The following FBN3 variants were observed in gnomAD, a reference collection of about 807,000 sequenced individuals.
FBN3 encodes fibrillin-3.
In FBN3, 234 loss-of-function variants were observed where a neutral mutation model predicts 330.1. The observed-to-expected ratio is 0.71, with a 90% CI of 0.64 to 0.79. The LOEUF (loss-of-function observed/expected upper bound fraction) is 0.79, where lower values mean the gene tolerates loss of function less well. Among genes scored for constraint, FBN3 ranks in the 30% least tolerant of loss-of-function variants. The pLI is 0.00. For synonymous variants in FBN3, 1,458 were observed against 1,517.3 expected, an observed-to-expected ratio of 0.96 and a Z score of 0.91; for missense variants, 3,606 against 3,886.9, an observed-to-expected ratio of 0.93 and a Z score of 1.92.
In FBN3 at chr19:8,078,421, T is replaced by G. The variant is rs530258180; in HGVS notation, c.7453+2582A>C. Reference sequence around the variant, plus strand: ...CCCTTTGCAGAAAAAGTTTGTGACTTTTGATCAAGTTGAGCCTCACACCAC... The same window carrying G: ...CCCTTTGCAGAAAAAGTTTGTGACTGTTGATCAAGTTGAGCCTCACACCAC... On this transcript the variant is annotated intron_variant, in intron 59 of 63. Coordinates refer to ENST00000600128, the MANE Select transcript of FBN3 (RefSeq NM_032447.5). 6.6e-5 allele frequency among the ~76,000 whole-genome samples: 10 copies of G among 152,276 alleles called. 2 individuals carry two copies. In the South Asian group the frequency reaches 2.1e-3, roughly 32 times the overall value.
chr19:8,072,715 C>T lies in FBN3; in HGVS notation c.7937+348G>A, dbSNP rs565094764. Among the ~76,000 whole-genome samples, 239 of 127,944 alleles carry T rather than the reference C, an allele frequency of 1.9e-3. 1 individual carries two copies. Among genetic ancestry groups the T allele is most frequent in the Non-Finnish European group, 2.8e-3 (178 of 64,420 alleles). 83.9% of individuals were successfully genotyped at this position (127,944 alleles called of 152,430 possible). A position where few individuals can be genotyped will look rare whatever the true frequency, so the allele number is the denominator to read the frequency against. On this transcript the variant is annotated intron_variant, in intron 62 of 63. Coordinates refer to ENST00000600128, the MANE Select transcript of FBN3 (RefSeq NM_032447.5). Reference sequence around the variant, plus strand: ...GCCTGAGTGCACACTGGGACATGCGCGCGTGCACACACACACACACACACA... The same window carrying T: ...GCCTGAGTGCACACTGGGACATGCGTGCGTGCACACACACACACACACACA...
chr19:8,130,247 A>C (rs2083092576), intron 16 of FBN3, among the ~76,000 whole-genome samples: 1 of 151,434 alleles, frequency 6.6e-6, no homozygotes, highest in Admixed American at 6.6e-5. Flanking sequence ...TCGTGTCTGT[A>C]ATCACAGCAC....
Position 8,086,218 on chromosome 19 carries a change from TG to T in FBN3, c.6861del (p.Thr2288ProfsTer77). 6.2e-7 allele frequency: 1 copy of T among 1,603,474 alleles called. No homozygotes were observed. ...CDCDEGFQPSPTLTECHDIRQ... is the reference protein window; with the variant it reads ...CDCDEGFQPSXTLTECHDIRQ... ...CACTCACCGTGGCACTCGGTAAGGG[TG>T]GGGCTGGGCTGGAATCCCTCATCAC... On this transcript the variant is annotated frameshift_variant, in exon 55 of 64. Transcript: ENST00000600128. LOFTEE classifies it high-confidence loss of function.
chr19:8,126,826 T>TC lies in FBN3; in HGVS notation c.2302dup (p.Asp768GlyfsTer55). On this transcript the variant is annotated frameshift_variant, in exon 19 of 64. Coordinates refer to ENST00000600128, the MANE Select transcript of FBN3 (RefSeq NM_032447.5). LOFTEE classifies it high-confidence loss of function. ...CACACACGGGCTGGACAGGCATTCG[T>TC]CGACATCTGTGGGGACAGCCCCCCA... The TC allele has an allele frequency of 6.4e-7, 1 of 1,559,044 alleles. No individual in the cohort carries two copies. The highest frequency in any genetic ancestry group is 8.7e-7 in the Non-Finnish European group (1 of 1,155,866).
intron 5 of FBN3, among the ~76,000 whole-genome samples, chr19:8,145,307 G>A (rs961231141): frequency 1.3e-5 from 2 of 151,032 alleles, no homozygotes; most frequent in African/African-American, 4.9e-5. Context: ...CTGGGAGGCG[G>A]AGGTTGCAGT....
intron 59 of FBN3, among the ~76,000 whole-genome samples, chr19:8,077,439 GACCAGCCTGACCAGCATAGTGA>G (rs1475090819): frequency 1.3e-5 from 2 of 152,088 alleles, no homozygotes; most frequent in African/African-American, 4.8e-5. Flanking sequence ...GGGAGTTTGA[GACCAGCCTGACCAGCATAGTGA>G]AACCCCATCT....
In FBN3 at chr19:8,087,919, C is replaced by T. The variant is rs1375354736; in HGVS notation, c.6525G>A (p.Leu2175=). 1 of 1,614,126 alleles carries T rather than the reference C, an allele frequency of 6.2e-7. No homozygotes were observed. Among genetic ancestry groups the T allele is most frequent in the Non-Finnish European group, 8.5e-7 (1 of 1,180,014 alleles). ...EDIDECSLNP[L]LCAFRCHNTE... ...TATTGTGGCAGCGGAAGGCACAGAG[C>T]AGCGGGTTCAGGGAGCATTCGTCGA... The change falls in exon 53 of 64, where the codon CTG becomes CTA. Residue 2175 remains leucine, a synonymous_variant. Coordinates refer to ENST00000600128, the MANE Select transcript of FBN3 (RefSeq NM_032447.5).
Position 8,135,945 on chromosome 19 carries a change from C to CCCCCCCCCCCCCA in FBN3, c.1591+15_1591+16insTGGGGGGGGGGGG. 2 of 488,814 alleles carry CCCCCCCCCCCCCA rather than the reference C, an allele frequency of 4.1e-6. No individual in the cohort carries two copies. The highest frequency in any genetic ancestry group is 8.0e-6 in the Non-Finnish European group (2 of 249,008). The allele number at this position is 488,814 out of a possible 1,614,324, so 30.3% of individuals were successfully genotyped here. A position where few individuals can be genotyped will look rare whatever the true frequency, so the allele number is the denominator to read the frequency against. The stretch of plus-strand genomic sequence containing the variant: ...GGGCCCGGAAGCCCCTGCCCACCCG[C>CCCCCCCCCCCCCA]CCACCCCCAACTCACCCACACAGTT... On this transcript the variant is annotated intron_variant, in intron 13 of 63. Transcript: ENST00000600128.
rs979363534 is a variant in FBN3, at chr19:8,131,254, G to C, written c.2025C>G (p.Gly675=). 6.2e-7 allele frequency: 1 copy of C among 1,611,288 alleles called. No individual in the cohort carries two copies. The highest frequency in any genetic ancestry group is 8.5e-7 in the Non-Finnish European group (1 of 1,179,388). ...ACTTACCTCGACCATCCGTGGTAATGCCAAGCCCACTGCTGCACAGTGCCT... is the reference window on the plus strand; with the variant it reads ...ACTTACCTCGACCATCCGTGGTAATCCCAAGCCCACTGCTGCACAGTGCCT... ...EFQALCSSGL[G]ITTDGRDINE... is the part of the protein sequence containing the mutation. The change falls in exon 16 of 64, where the codon GGC becomes GGG. Residue 675 remains glycine (G), a synonymous_variant. Transcript: ENST00000600128. The surrounding 1 kb of genome is among the most constrained non-coding windows in gnomAD (Gnocchi z 4.5).
At chr19:8,099,988 C>G (rs2082293556) in intron 41 of FBN3, among the ~76,000 whole-genome samples, 1 of 135,722 alleles carries the variant, frequency 7.4e-6, no homozygotes, top group Non-Finnish European at 1.6e-5. Flanking sequence ...CCAGCCTGGG[C>G]AACAAGAGAG....
rs2144982677 is a variant in FBN3, at chr19:8,133,253, C to T, written c.1592-147G>A. ...CTGTGGTTGTCTGTGACTGTGTGAG[C>T]TTGTATATTAGTCCGTCCGCTGGGA... On this transcript the variant is annotated intron_variant, in intron 13 of 63. Coordinates refer to ENST00000600128, the MANE Select transcript of FBN3 (RefSeq NM_032447.5). The T allele has an allele frequency of 2.8e-6, 3 of 1,057,108 alleles. No individual in the cohort carries two copies. The Admixed American group carries it at 9.6e-5, about 34-fold the overall frequency. 65.5% of individuals were successfully genotyped at this position (1,057,108 alleles called of 1,614,324 possible).
intron 38 of FBN3, among the ~76,000 whole-genome samples, chr19:8,104,748 G>A (rs900605216): frequency 1.9e-4 from 29 of 152,162 alleles, no homozygotes; most frequent in Non-Finnish European, 8.8e-5. Flanking sequence ...AAACTACAGT[G>A]TGCCATGATT....
intron 27 of FBN3, 44 bp from the exon 28 acceptor site, chr19:8,117,335 G>C (rs1393850133): frequency 1.3e-6 from 2 of 1,507,718 alleles, no homozygotes; most frequent in Non-Finnish European, 1.8e-6. Context: ...GGGGGGAGGG[G>C]TCCAGGATGG....
In FBN3 at chr19:8,131,644, G is replaced by A. The variant is rs778046533; in HGVS notation, c.1900C>T (p.Pro634Ser). 22 of 1,614,106 alleles carry A rather than the reference G, an allele frequency of 1.4e-5. No individual in the cohort carries two copies. Among genetic ancestry groups the A allele is most frequent in the Non-Finnish European group, 1.5e-5 (18 of 1,180,052 alleles). The change falls in exon 15 of 64, where the codon CCT becomes TCT. Residue 634 changes from proline (P) to serine (S), a missense_variant. By Grantham distance (74) the Pro-to-Ser change is moderately conservative (BLOSUM62 -1). Coordinates refer to ENST00000600128, the MANE Select transcript of FBN3 (RefSeq NM_032447.5). The surrounding 1 kb of genome is among the most constrained non-coding windows in gnomAD (Gnocchi z 4.5). ...CACTCGGACTTGGTGACAGTGCCAGGGAAGGGGCGGGCACAGGAGCCCTTC... is the reference window on the plus strand; with the variant it reads ...CACTCGGACTTGGTGACAGTGCCAGAGAAGGGGCGGGCACAGGAGCCCTTC... ...IEKGSCARPF[P>S]GTVTKSECCC...
At chr19:8,141,639 C>T (rs2083417084) in intron 8 of FBN3, 78 bp downstream of exon 8, 1 of 1,517,926 alleles carries the variant, frequency 6.6e-7, no homozygotes, top group Non-Finnish European at 8.9e-7. Flanking sequence ...ACCCCTCTGC[C>T]TTCCTGCAGG....
chr19:8,095,262 A>T, intron 46 of FBN3, 113 bp downstream of exon 46: 1 of 1,181,784 alleles, frequency 8.5e-7, no homozygotes, highest in Non-Finnish European at 1.2e-6. Flanking sequence ...TTTAAATCTT[A>T]AAATAAATGC....
At position 8,141,746 on chromosome 19, in the gene FBN3, C is replaced by G. The variant is rs78406953; in HGVS notation, c.836G>C (p.Arg279Pro). 1.2e-6 allele frequency: 2 copies of G among 1,614,122 alleles called. No homozygotes were observed. Among genetic ancestry groups the G allele is most frequent in the East Asian group, 4.5e-5 (2 of 44,886 alleles). Residue 279 changes from arginine (R) to proline (P), a missense_variant, in exon 8 of 64, where the codon CGG becomes CCG. Arg to Pro is a moderately radical substitution (Grantham distance 103). Transcript: ENST00000600128. ...ACATGCGGCGCTGCTGTCACTGAGC[C>G]GGTGTCCAACTGGACAGCGGCAATG... ...SFHCRCPVGH[R>P]LSDSSAACED...
rs369451897 is a variant in FBN3, at chr19:8,108,240, T to G, written c.4619-2A>C. The G allele has an allele frequency of 1.9e-6, 3 of 1,606,566 alleles. No homozygotes were observed. Among genetic ancestry groups the G allele is most frequent in the Non-Finnish European group, 2.5e-6 (3 of 1,177,284 alleles). ...CCGGGCACAGGGTTCTGTACTCAGCTGTAAAGGGAAACAGGCTCCTGTGAG... is the reference window on the plus strand; with the variant it reads ...CCGGGCACAGGGTTCTGTACTCAGCGGTAAAGGGAAACAGGCTCCTGTGAG... On this transcript the variant is annotated splice_acceptor_variant, in intron 36 of 63. Coordinates refer to ENST00000600128, the MANE Select transcript of FBN3 (RefSeq NM_032447.5). LOFTEE classifies it high-confidence loss of function.
In FBN3 at chr19:8,089,673, G is replaced by A. The variant is rs1475576531; in HGVS notation, c.6251-3C>T. ...GTTCTCTGCACACTCATTCACGTCT[G>A]CGGATGGCAGGCGTTGCAGACATGG... On this transcript the variant is annotated splice_polypyrimidine_tract_variant and splice_region_variant and intron_variant, in intron 50 of 63. Transcript: ENST00000600128. 2 of 1,613,986 alleles carry A rather than the reference G, an allele frequency of 1.2e-6. No individual in the cohort carries two copies. Among genetic ancestry groups the A allele is most frequent in the South Asian group, 2.2e-5 (2 of 91,056 alleles).
Sources: gnomAD v4.1 joint callset for allele counts (sites outside exome capture counted in the v4.1 genomes callset) on GRCh38, gnomAD v4.1.1 for gene constraint, Gnocchi (gnomAD v3.1) non-coding constraint, MANE v1.5 for transcripts, NCBI Gene and HGNC (gene_info 2026-07-23, HGNC 2026-07-21) for gene names.